Variants in JPH3 observed in about 807,000 individuals in gnomAD.
JPH3 encodes the protein junctophilin 3, also known as junctophilin-3.
Under a neutral mutation model 59.6 loss-of-function variants are expected in JPH3, and 11 were observed. That is an observed-to-expected ratio of 0.18 (90% CI 0.12 to 0.31). The LOEUF (loss-of-function observed/expected upper bound fraction) is 0.31. Among genes scored for constraint, JPH3 ranks in the 10% least tolerant of loss-of-function variants. The pLI is 1.00. For missense variants in JPH3, 1,202 were observed against 1,105.7 expected (o/e 1.09, Z -1.24); for synonymous variants, 673 against 483.6 (o/e 1.39, Z -5.14).
At position 87,603,428 on chromosome 16, in the gene JPH3, C is replaced by T. The variant is rs150728647; in HGVS notation, c.282C>T (p.Arg94=). 1.3e-6 allele frequency: 2 copies of T among 1,577,674 alleles called. No individual in the cohort carries two copies. The highest frequency in any genetic ancestry group is 2.4e-5 in the East Asian group (1 of 42,322). The change falls in exon 1 of 5, where the codon CGC becomes CGT. Residue 94 remains arginine (R), a synonymous_variant. Transcript: ENST00000284262. ...AGTGGACGCACGGATTCAAGGGGCGCTACGGGGTGCGGGAGTGCGCGGGCA... is the reference window on the plus strand; with the variant it reads ...AGTGGACGCACGGATTCAAGGGGCGTTACGGGGTGCGGGAGTGCGCGGGCA... ...KGEWTHGFKG[R]YGVRECAGNG... is the part of the protein sequence containing the mutation.
At chr16:87,660,771 C>T (rs1200505802) in intron 2 of JPH3, among the ~76,000 whole-genome samples, 7 of 152,184 alleles carry the variant, frequency 4.6e-5, no homozygotes, top group Admixed American at 4.6e-4. Flanking sequence ...GGAGGGGGCA[C>T]CTCCTCTTGG....
chr16:87,697,776 TGTACAA>T lies in JPH3; in HGVS notation c.*1117_*1122del, dbSNP rs1256603761. 2 of 152,224 alleles carry T rather than the reference TGTACAA, an allele frequency of 1.3e-5. No individual in the cohort carries two copies. Among genetic ancestry groups the T allele is most frequent in the Non-Finnish European group, 2.9e-5 (2 of 68,046 alleles). 9.4% of individuals were successfully genotyped at this position (152,224 alleles called of 1,614,324 possible). ...CTGTAGCATATCCAGCCCCCTAAAA[TGTACAA>T]TGTAACTTGTTCAGTCCAACAAAAA... On this transcript the variant is annotated 3_prime_UTR_variant, in exon 5 of 5. Coordinates refer to ENST00000284262, the MANE Select transcript of JPH3 (RefSeq NM_020655.4).
chr16:87,662,015 G>A (rs974121846), intron 2 of JPH3, among the ~76,000 whole-genome samples: 3 of 152,202 alleles, frequency 2.0e-5, no homozygotes, highest in Non-Finnish European at 4.4e-5. Flanking sequence ...GGCTATGCAT[G>A]GTTGTCTCAC....
chr16:87,603,087 C>T lies in JPH3; in HGVS notation c.-60C>T. The T allele has an allele frequency of 6.2e-7, 1 of 1,610,108 alleles. No individual in the cohort carries two copies. Among genetic ancestry groups the T allele is most frequent in the Non-Finnish European group, 8.5e-7 (1 of 1,177,638 alleles). Reference sequence around the variant, plus strand: ...AGGGCCGCCGGCGGCCGCGACTCTGCTGTGTCGATCGCCTGAGTCCGTTTT... The same window carrying T: ...AGGGCCGCCGGCGGCCGCGACTCTGTTGTGTCGATCGCCTGAGTCCGTTTT... On this transcript the variant is annotated 5_prime_UTR_variant, in exon 1 of 5. Coordinates refer to ENST00000284262, the MANE Select transcript of JPH3 (RefSeq NM_020655.4).
intron 2 of JPH3, among the ~76,000 whole-genome samples, chr16:87,678,626 C>G (rs1486896806): frequency 6.6e-6 from 1 of 152,140 alleles, no homozygotes; most frequent in Non-Finnish European, 1.5e-5. Context: ...AATGGTGTCC[C>G]CAAAAGCTAG....
At chr16:87,650,641 A>C (rs957808140) in intron 2 of JPH3, among the ~76,000 whole-genome samples, 1 of 152,268 alleles carries the variant, frequency 6.6e-6, no homozygotes, top group Non-Finnish European at 1.5e-5. Context: ...GAATACATGA[A>C]TGATAAGGGA....
At chr16:87,693,055 C>G (rs1468899768) in intron 4 of JPH3, among the ~76,000 whole-genome samples, 2 of 152,230 alleles carry the variant, frequency 1.3e-5, no homozygotes, top group Non-Finnish European at 2.9e-5. Flanking sequence ...CCGGCCCAAC[C>G]AAGTTGTCAT....
intron 3 of JPH3, 104 bp downstream of exon 3, chr16:87,684,370 G>A (rs2033367109): frequency 6.7e-7 from 1 of 1,491,878 alleles, no homozygotes. Flanking sequence ...AGGCTTAGAT[G>A]GGCTCAGCCC....
At position 87,689,672 on chromosome 16, in the gene JPH3, C is replaced by G; in HGVS notation, c.1312C>G (p.Gln438Glu). Residue 438 changes from glutamine to glutamate, a missense_variant, in exon 4 of 5, where the codon CAG (glutamine) becomes GAG (glutamate). Transcript: ENST00000284262. Reference protein sequence around the residue: ...NGLEYQRPKRQTSCDDIEVLS... With the variant: ...NGLEYQRPKRETSCDDIEVLS... Reference sequence around the variant, plus strand: ...GCTGGAGTACCAGAGGCCGAAGCGTCAGACCTCCTGTGACGACATCGAGGT... The same window carrying G: ...GCTGGAGTACCAGAGGCCGAAGCGTGAGACCTCCTGTGACGACATCGAGGT... 1.2e-6 allele frequency: 2 copies of G among 1,612,296 alleles called. No individual in the cohort carries two copies. The highest frequency in any genetic ancestry group is 1.7e-6 in the Non-Finnish European group (2 of 1,179,702).
chr16:87,604,260 G>GAGCCGGGGCCGGA (rs1344661731), intron 1 of JPH3: 1 of 1,459,736 alleles, frequency 6.9e-7, no homozygotes, highest in Non-Finnish European at 9.1e-7. Context: ...ATTCGGGGCA[G>GAGCCGGGGCCGGA]AGCCGGGGCC....
chr16:87,653,357 T>C (rs975164992), intron 2 of JPH3, among the ~76,000 whole-genome samples: 3 of 152,172 alleles, frequency 2.0e-5, no homozygotes, highest in Non-Finnish European at 4.4e-5. Context: ...TGCTGTGGCT[T>C]GCTGGCTGCA....
At chr16:87,630,211 G>A (rs1208100411) in intron 1 of JPH3, among the ~76,000 whole-genome samples, 1 of 152,180 alleles carries the variant, frequency 6.6e-6, no homozygotes, top group African/African-American at 2.4e-5. Context: ...GGGTCAAGAC[G>A]CACCTGGGTC....
chr16:87,608,251 C>T (rs1459950397), intron 1 of JPH3, among the ~76,000 whole-genome samples: 1 of 152,238 alleles, frequency 6.6e-6, no homozygotes, highest in East Asian at 1.9e-4. Flanking sequence ...TCTGCTGTTC[C>T]TTTCCAAGAC....
At chr16:87,628,748 G>A (rs2031466647) in intron 1 of JPH3, among the ~76,000 whole-genome samples, 1 of 152,040 alleles carries the variant, frequency 6.6e-6, no homozygotes, top group African/African-American at 2.4e-5. Flanking sequence ...GGCCTTGGAG[G>A]CGTCAGCCTT....
At position 87,639,211 on chromosome 16, in the gene JPH3, T is replaced by G. The variant is rs112429972; in HGVS notation, c.383-5047T>G. On this transcript the variant is annotated intron_variant, in intron 1 of 4. Transcript: ENST00000284262. ...TACCCTGTGATCTGCACAGCCGCCCTCCCCTCGTTGCAGATGAGGAGACTG... is the reference window on the plus strand; with the variant it reads ...TACCCTGTGATCTGCACAGCCGCCCGCCCCTCGTTGCAGATGAGGAGACTG... Among the ~76,000 whole-genome samples the G allele has an allele frequency of 4.3e-3, 657 of 152,230 alleles. 4 individuals carry two copies. The highest frequency in any genetic ancestry group is 0.015 in the African/African-American group (636 of 41,510).
intron 1 of JPH3, among the ~76,000 whole-genome samples, chr16:87,639,116 G>C (rs1567593225): frequency 1.3e-5 from 2 of 152,156 alleles, no homozygotes; most frequent in Non-Finnish European, 2.9e-5. Flanking sequence ...GAGAGGTGCA[G>C]GGCTTTTGCG....
intron 2 of JPH3, among the ~76,000 whole-genome samples, chr16:87,657,431 G>C (rs937217042): frequency 6.6e-6 from 1 of 152,172 alleles, no homozygotes; most frequent in African/African-American, 2.4e-5. Flanking sequence ...CATGGGTGTA[G>C]GGTTTCTGTT....
chr16:87,695,505 C>T (rs980352008), intron 4 of JPH3: 5 of 454,784 alleles, frequency 1.1e-5, no homozygotes, highest in African/African-American at 1.0e-4. Context: ...CATCTCCTTC[C>T]AGGTGGCTGC....
intron 1 of JPH3, among the ~76,000 whole-genome samples, chr16:87,613,377 G>T (rs1597234866): frequency 6.6e-6 from 1 of 151,886 alleles, no homozygotes; most frequent in East Asian, 1.9e-4. Flanking sequence ...GGAATTACAG[G>T]TAGCGTGAAC....
Sources: allele counts gnomAD v4.1 joint callset (sites outside exome capture counted in the v4.1 genomes callset), GRCh38; gene constraint gnomAD v4.1.1; transcripts MANE v1.5; gene names NCBI Gene and HGNC (gene_info 2026-07-23, HGNC 2026-07-21).